The following ADARB1 variants were observed in gnomAD, a reference collection of about 807,000 sequenced individuals.
ADARB1 encodes adenosine deaminase RNA specific B1, also known as double-stranded RNA-specific editase 1.
ADARB1 carries 10 observed loss-of-function variants against 52.4 expected under a neutral mutation model. That is an observed-to-expected ratio of 0.19 (90% CI 0.12 to 0.32). The LOEUF is 0.32. ADARB1 is among the 10% of genes least tolerant of loss of function. The pLI, the probability that ADARB1 is intolerant of heterozygous loss-of-function variation, is 1.00. For synonymous variants in ADARB1, 349 were observed against 371.1 expected (o/e 0.94, Z 0.68); for missense variants, 643 against 922.3 (o/e 0.70, Z 3.92).
intron 8 of ADARB1, among the ~76,000 whole-genome samples, chr21:45,203,266 GTTC>G (rs970560937): frequency 2.0e-5 from 3 of 152,218 alleles, no homozygotes; most frequent in African/African-American, 7.2e-5. Context: ...TGGGACATGC[GTTC>G]CTCCCTCAGC....
At chr21:45,211,502 C>T (rs2092769108) in intron 9 of ADARB1, among the ~76,000 whole-genome samples, 1 of 152,132 alleles carries the variant, frequency 6.6e-6, no homozygotes, top group East Asian at 1.9e-4. Flanking sequence ...TAACATGAAC[C>T]CATAATAACC....
chr21:45,184,918 C>T lies in ADARB1; in HGVS notation c.1397-5C>T. The T allele has an allele frequency of 2.5e-6, 4 of 1,608,272 alleles. No homozygotes were observed. Among genetic ancestry groups the T allele is most frequent in the East Asian group, 2.2e-5 (1 of 44,708 alleles). Reference sequence around the variant, plus strand: ...TGTGGGGTTTTAACTCTTTTTCTCTCTTAGAACCAGCAGATAGACACCCAA... The same window carrying T: ...TGTGGGGTTTTAACTCTTTTTCTCTTTTAGAACCAGCAGATAGACACCCAA... On this transcript the variant is annotated splice_polypyrimidine_tract_variant and splice_region_variant and intron_variant, in intron 7 of 10. Transcript: ENST00000348831.
intron 2 of ADARB1, among the ~76,000 whole-genome samples, chr21:45,162,421 C>T (rs2091021478): frequency 6.6e-6 from 1 of 152,182 alleles, no homozygotes; most frequent in Non-Finnish European, 1.5e-5. Context: ...CCTGGCTCCC[C>T]CTTGGCAGGC....
chr21:45,124,780 T>C (rs1455199272), intron 1 of ADARB1, among the ~76,000 whole-genome samples: 1 of 124,574 alleles, frequency 8.0e-6, no homozygotes, highest in Non-Finnish European at 1.7e-5. Context: ...TGTGTGTGTG[T>C]GTGTGTATGT....
intron 2 of ADARB1, among the ~76,000 whole-genome samples, chr21:45,156,724 C>T (rs529395930): frequency 2.0e-5 from 3 of 152,248 alleles, no homozygotes; most frequent in East Asian, 3.9e-4. Flanking sequence ...ACTCATTACA[C>T]CCTTCTCTGC....
intron 1 of ADARB1, chr21:45,118,496 G>A (rs1252232248): frequency 3.9e-5 from 6 of 152,192 alleles, no homozygotes; most frequent in African/African-American, 1.4e-4. Context: ...TAATTTGGTA[G>A]GGTCTAGAAT....
intron 4 of ADARB1, among the ~76,000 whole-genome samples, chr21:45,178,983 C>T (rs1222256558): frequency 3.3e-5 from 5 of 152,174 alleles, no homozygotes. Flanking sequence ...GGAGATTCGC[C>T]TAATCTTATA....
chr21:45,191,226 T>A (rs1428104694), intron 8 of ADARB1, among the ~76,000 whole-genome samples: 1 of 152,244 alleles, frequency 6.6e-6, no homozygotes, highest in Non-Finnish European at 1.5e-5. Context: ...TGGTTGTTCT[T>A]GAATGTACCA....
In ADARB1 at chr21:45,179,421, A is replaced by G. The variant is rs115980527; in HGVS notation, c.964-909A>G. ...TAGTAGTCATTTGATTTTCCAGACAAGTGTGAAATTGGTGGGACATGAGTT... is the reference window on the plus strand; with the variant it reads ...TAGTAGTCATTTGATTTTCCAGACAGGTGTGAAATTGGTGGGACATGAGTT... On this transcript the variant is annotated intron_variant, in intron 4 of 10. Coordinates refer to ENST00000348831, the MANE Select transcript of ADARB1 (RefSeq NM_001112.4). Among the ~76,000 whole-genome samples, 262 of 152,322 alleles carry G rather than the reference A, an allele frequency of 1.7e-3. 1 individual carries two copies. The highest frequency in any genetic ancestry group is 5.9e-3 in the African/African-American group (246 of 41,568).
At chr21:45,139,944 T>C (rs1601548212) in intron 2 of ADARB1, among the ~76,000 whole-genome samples, 1 of 95,892 alleles carries the variant, frequency 1.0e-5, no homozygotes, top group Non-Finnish European at 2.1e-5. Context: ...TTTTTTTTTT[T>C]TTTTTTTTTT....
At chr21:45,134,902 G>A in intron 2 of ADARB1, 1 of 507,236 alleles carries the variant, frequency 2.0e-6, no homozygotes, top group Non-Finnish European at 4.1e-6. Context: ...TGACAGCTGG[G>A]TGAGTCCCCT....
At chr21:45,202,638 GT>G (rs1186201848) in intron 8 of ADARB1, among the ~76,000 whole-genome samples, 1 of 152,208 alleles carries the variant, frequency 6.6e-6, no homozygotes, top group Non-Finnish European at 1.5e-5. Context: ...AAGCCCGAAT[GT>G]TTCTCATCTG....
intron 1 of ADARB1, among the ~76,000 whole-genome samples, chr21:45,080,199 G>A (rs758971014): frequency 4.2e-4 from 64 of 152,268 alleles, no homozygotes; most frequent in Admixed American, 8.5e-4. Flanking sequence ...GAGGAGTTCT[G>A]TTAAAAGGGA....
chr21:45,144,653 A>C, intron 2 of ADARB1: 1 of 454,768 alleles, frequency 2.2e-6, no homozygotes, highest in South Asian at 1.6e-5. Flanking sequence ...AATGGGAAGA[A>C]AAAGGAAGAG....
intron 2 of ADARB1, among the ~76,000 whole-genome samples, chr21:45,143,925 C>A (rs1601573732): frequency 1.3e-5 from 2 of 152,188 alleles, no homozygotes; most frequent in Admixed American, 1.3e-4. Flanking sequence ...TCTTTTATGA[C>A]CCCCATTGTC....
At chr21:45,183,914 A>C (rs776727981) in intron 7 of ADARB1, among the ~76,000 whole-genome samples, 2 of 152,238 alleles carry the variant, frequency 1.3e-5, no homozygotes, top group African/African-American at 2.4e-5. Flanking sequence ...GTGAAAAGTG[A>C]AACCACTATT....
intron 9 of ADARB1, among the ~76,000 whole-genome samples, chr21:45,209,519 G>A (rs2092727843): frequency 6.6e-6 from 1 of 152,208 alleles, no homozygotes; most frequent in Non-Finnish European, 1.5e-5. Flanking sequence ...TTGCCTGTGT[G>A]CCAGGTGGAC....
Position 45,171,285 on chromosome 21 carries a change from G to A in ADARB1, c.-47-325G>A, listed in dbSNP as rs114917999. Among the ~76,000 whole-genome samples, 1,371 of 152,246 alleles carry A rather than the reference G, an allele frequency of 9.0e-3. 19 individuals are homozygous for A. The highest frequency in any genetic ancestry group is 0.031 in the African/African-American group (1,307 of 41,544). ...TCAAACCCACCCTCCTCAGAGTGGT[G>A]TGAGGTCCCTGGGCACTGGCCCTGA... On this transcript the variant is annotated intron_variant, in intron 2 of 10. Transcript: ENST00000348831.
chr21:45,184,313 T>C (rs1267665274), intron 7 of ADARB1, among the ~76,000 whole-genome samples: 1 of 152,218 alleles, frequency 6.6e-6, no homozygotes, highest in African/African-American at 2.4e-5. Context: ...CATTTTGTCC[T>C]ATTTGCTTCA....
Sources: allele counts gnomAD v4.1 joint callset (sites outside exome capture counted in the v4.1 genomes callset), GRCh38; gene constraint gnomAD v4.1.1; transcripts MANE v1.5; gene names NCBI Gene and HGNC (gene_info 2026-07-23, HGNC 2026-07-21).